Variants in MINDY1 observed in about 807,000 individuals in gnomAD.
MINDY1 encodes the protein MINDY lysine 48 deubiquitinase 1.
MINDY1 carries 50 observed loss-of-function variants against 53.6 expected under a neutral mutation model. That is an observed-to-expected ratio of 0.93 (90% CI 0.74 to 1.18). The LOEUF is 1.18. MINDY1 is among the 50% of genes most tolerant of loss of function. The pLI, the probability that MINDY1 is intolerant of heterozygous loss-of-function variation, is 0.00. For synonymous variants in MINDY1, 231 were observed against 234.7 expected (o/e 0.98, Z 0.14); for missense variants, 484 against 578.6 (o/e 0.84, Z 1.68).
chr1:150,998,752 T>G (rs987093983), intron 7 of MINDY1, among the ~76,000 whole-genome samples: 22 of 151,622 alleles, frequency 1.5e-4, no homozygotes, highest in African/African-American at 5.3e-4. Context: ...CGGTGGTCAT[T>G]CTGGCTAAGC....
Position 151,002,924 on chromosome 1 carries a change from G to A in MINDY1, c.-89-218C>T. ...GAGGTCGTGGGGCTTCCAGACTTGG[G>A]AGGGAAGACTGGTGGGATTGAACAC... On this transcript the variant is annotated intron_variant, in intron 1 of 9. Coordinates refer to ENST00000683666, the MANE Select transcript of MINDY1 (RefSeq NM_001376665.1). The surrounding 1 kb of genome is among the most constrained non-coding windows in gnomAD (Gnocchi z 4.1). 7.4e-7 allele frequency: 1 copy of A among 1,357,942 alleles called. No individual in the cohort carries two copies. The highest frequency in any genetic ancestry group is 9.5e-7 in the Non-Finnish European group (1 of 1,055,682). The allele number at this position is 1,357,942 out of a possible 1,614,324, so 84.1% of individuals were successfully genotyped here.
At chr1:151,000,033 T>A (rs1188088608) in intron 5 of MINDY1, 69 bp from the exon 6 acceptor site, 4 of 1,175,396 alleles carry the variant, frequency 3.4e-6, no homozygotes, top group Non-Finnish European at 5.0e-6. Flanking sequence ...AGGAAGGAAA[T>A]GAACAAAGCT....
downstream of MINDY1, chr1:150,996,717 T>G (rs1671872780): frequency 6.6e-6 from 1 of 151,982 alleles, no homozygotes; most frequent in East Asian, 2.0e-4. Flanking sequence ...TAATTTCTTG[T>G]ATTTTTAGTA....
rs1558058562 is a variant in MINDY1 at position 151,002,614 on chromosome 1, C to T, written c.4G>A (p.Glu2Lys). The T allele has an allele frequency of 6.2e-7, 1 of 1,614,122 alleles. No homozygotes were observed. The change falls in exon 2 of 10, where the codon GAA (glutamate) becomes AAA (lysine). Residue 2 changes from glutamate (E) to lysine (K), a missense_variant. Glu to Lys is a moderately conservative substitution (Grantham distance 56, BLOSUM62 1). Transcript: ENST00000683666. This position sits in a 1 kb window ranked among gnomAD's most constrained non-coding sequence, Gnocchi z 4.1. MEYHQPEDPAPG... is the reference protein window; with the variant it reads MKYHQPEDPAPG... Reference sequence around the variant, plus strand: ...GCTGGATCCTCAGGCTGATGGTATTCCATGGTCAAAAGGGACTTGGCTGAG... The same window carrying T: ...GCTGGATCCTCAGGCTGATGGTATTTCATGGTCAAAAGGGACTTGGCTGAG...
chr1:151,007,851 C>T (rs1673398726), upstream of MINDY1, among the ~76,000 whole-genome samples: 1 of 151,988 alleles, frequency 6.6e-6, no homozygotes, highest in Admixed American at 6.6e-5. Context: ...ACTCTAAAGG[C>T]TGAAAGAGCA....
chr1:151,005,458 AAAAAAAAG>A (rs1295846330), intron 1 of MINDY1, among the ~76,000 whole-genome samples: 1 of 151,170 alleles, frequency 6.6e-6, no homozygotes. Context: ...TGCCTCCAAA[AAAAAAAAG>A]AAAAAAAGAA....
chr1:150,996,959 C>T lies in MINDY1; in HGVS notation c.*328G>A, dbSNP rs1671893760. 2.5e-5 allele frequency: 8 copies of T among 322,942 alleles called. No homozygotes were observed. The highest frequency in any genetic ancestry group is 4.0e-5 in the Non-Finnish European group (7 of 174,118). The allele number at this position is 322,942 out of a possible 1,614,324, so 20.0% of individuals were successfully genotyped here. On this transcript the variant is annotated 3_prime_UTR_variant, in exon 10 of 10. Coordinates refer to ENST00000683666, the MANE Select transcript of MINDY1 (RefSeq NM_001376665.1). The stretch of plus-strand genomic sequence containing the variant: ...TAGGTGATCAGGAGCATCCAGGCAG[C>T]AGGGATGGGAAGCAGAAGAGATGCA...
chr1:151,002,212 G>A lies in MINDY1; in HGVS notation c.406C>T (p.Pro136Ser). ...TTCATGATGGCAAGGAGAGGGCAAG[G>A]GCCGTTAGTGCTCTGGGTGATGATG... is the stretch of plus-strand genomic sequence containing the variant. ...TPIITQSTNG[P>S]CPLLAIMNIL... Residue 136 changes from proline to serine, a missense_variant, in exon 2 of 10, where the codon CCT becomes TCT. Physicochemically the swap from Pro to Ser is moderately conservative, Grantham distance 74 (BLOSUM62 -1). Transcript: ENST00000683666. The surrounding 1 kb of genome is among the most constrained non-coding windows in gnomAD (Gnocchi z 4.1). 6.2e-7 allele frequency: 1 copy of A among 1,614,000 alleles called. No individual in the cohort carries two copies. The highest frequency in any genetic ancestry group is 8.5e-7 in the Non-Finnish European group (1 of 1,179,928).
In MINDY1 at chr1:151,002,690, G is replaced by T. The variant is rs1416942326; in HGVS notation, c.-73C>A. The stretch of plus-strand genomic sequence containing the variant: ...CAGGGACTTGCCTAAGCCAGGCTTG[G>T]GATGCAAAAGAGTGACCTGTCCAAT... On this transcript the variant is annotated 5_prime_UTR_variant, in exon 2 of 10. Transcript: ENST00000683666. This position sits in a 1 kb window ranked among gnomAD's most constrained non-coding sequence, Gnocchi z 4.1. 4 of 1,607,946 alleles carry T rather than the reference G, an allele frequency of 2.5e-6. No individual in the cohort carries two copies. Among genetic ancestry groups the T allele is most frequent in the Non-Finnish European group, 3.4e-6 (4 of 1,176,834 alleles).
At position 150,999,833 on chromosome 1, in the gene MINDY1, A is replaced by C. The variant is rs772617436; in HGVS notation, c.838+29T>G. ...TAAGTAGCTGTCATTCCCTCCACAT[A>C]CTATCCATGAGAAGGGGAGGAATGT... On this transcript the variant is annotated intron_variant, in intron 6 of 9. Coordinates refer to ENST00000683666, the MANE Select transcript of MINDY1 (RefSeq NM_001376665.1). The surrounding 1 kb of genome is among the most constrained non-coding windows in gnomAD (Gnocchi z 4.4). The C allele has an allele frequency of 3.8e-6, 6 of 1,577,596 alleles. No individual in the cohort carries two copies. The highest frequency in any genetic ancestry group is 1.3e-5 in the African/African-American group (1 of 74,190).
In MINDY1 at chr1:150,999,774, G is replaced by T; in HGVS notation, c.838+88C>A. On this transcript the variant is annotated intron_variant, in intron 6 of 9. Coordinates refer to ENST00000683666, the MANE Select transcript of MINDY1 (RefSeq NM_001376665.1). This position sits in a 1 kb window ranked among gnomAD's most constrained non-coding sequence, Gnocchi z 4.4. The stretch of plus-strand genomic sequence containing the variant: ...TTGTGAAGCTTATATCTAGTGGGAT[G>T]TGGTAGGAGATGACACCCAATAAAA... 1.7e-6 allele frequency: 2 copies of T among 1,203,086 alleles called. No homozygotes were observed. The highest frequency in any genetic ancestry group is 1.5e-5 in the African/African-American group (1 of 66,978). The allele number at this position is 1,203,086 out of a possible 1,614,324, so 74.5% of individuals were successfully genotyped here. A position where few individuals can be genotyped will look rare whatever the true frequency, so the allele number is the denominator to read the frequency against.
chr1:150,997,831 T>C, intron 8 of MINDY1, 52 bp from the exon 9 acceptor site: 1 of 1,550,736 alleles, frequency 6.4e-7, no homozygotes, highest in Non-Finnish European at 8.7e-7. Flanking sequence ...CCGTGGCTAT[T>C]CAGGCAAGGT....
rs765794886 is a variant in MINDY1, at chr1:150,998,100, C to A, written c.1155G>T (p.Thr385=). ...GAEGGSGSPE[T]QLQVDQDYLI... is the part of the protein sequence containing the mutation. Reference sequence around the variant, plus strand: ...TACACACCTGGTCTACCTGCAGCTGCGTTTCTGGGGAGCCACTCCCACCTT... The same window carrying A: ...TACACACCTGGTCTACCTGCAGCTGAGTTTCTGGGGAGCCACTCCCACCTT... Residue 385 remains threonine (T), a synonymous_variant, in exon 8 of 10, where the codon ACG becomes ACT. Coordinates refer to ENST00000683666, the MANE Select transcript of MINDY1 (RefSeq NM_001376665.1). 8.1e-6 allele frequency: 13 copies of A among 1,612,276 alleles called. No homozygotes were observed. The highest frequency in any genetic ancestry group is 1.7e-6 in the Non-Finnish European group (2 of 1,179,610).
chr1:151,008,089 G>C (rs771355938), upstream of MINDY1, among the ~76,000 whole-genome samples: 1 of 152,188 alleles, frequency 6.6e-6, no homozygotes, highest in Non-Finnish European at 1.5e-5. Context: ...AGTCAGTTTG[G>C]TAAAGGGCAG....
At position 150,999,823 on chromosome 1, in the gene MINDY1, C is replaced by A. The variant is rs778996085; in HGVS notation, c.838+39G>T. 1 of 1,552,784 alleles carries A rather than the reference C, an allele frequency of 6.4e-7. No homozygotes were observed. Among genetic ancestry groups the A allele is most frequent in the South Asian group, 1.1e-5 (1 of 89,464 alleles). On this transcript the variant is annotated intron_variant, in intron 6 of 9. Coordinates refer to ENST00000683666, the MANE Select transcript of MINDY1 (RefSeq NM_001376665.1). This position sits in a 1 kb window ranked among gnomAD's most constrained non-coding sequence, Gnocchi z 4.4. ...AAAATAAGCCTAAGTAGCTGTCATT[C>A]CCTCCACATACTATCCATGAGAAGG...
rs180865169 is a variant in MINDY1, at chr1:151,003,521, C to T, written c.-89-815G>A. On this transcript the variant is annotated intron_variant, in intron 1 of 9. Transcript: ENST00000683666. ...TCAGATTAGGGGCACAAAAAGCACT[C>T]CCCACAAGTTCTTCCAGTAAGCTTC... Among the ~76,000 whole-genome samples, 20 of 151,914 alleles carry T rather than the reference C, an allele frequency of 1.3e-4. No individual in the cohort carries two copies. The East Asian group carries it at 3.9e-3, about 30-fold the overall frequency.
intron 3 of MINDY1, among the ~76,000 whole-genome samples, 159 bp from the exon 4 acceptor site, chr1:151,001,473 G>A (rs1305282769): frequency 5.3e-5 from 8 of 152,194 alleles, no homozygotes; most frequent in African/African-American, 1.4e-4. Flanking sequence ...CAGAGGAGGC[G>A]ACAGCCTCAT....
downstream of MINDY1, chr1:150,996,549 T>TG (rs1335070726): frequency 1.4e-5 from 2 of 138,130 alleles, no homozygotes; most frequent in African/African-American, 5.4e-5. Context: ...GGAAAGAAGG[T>TG]TTTTTTTTTT....
rs1672750052 is a variant in MINDY1, at chr1:151,002,993, G to C, written c.-89-287C>G. On this transcript the variant is annotated intron_variant, in intron 1 of 9. Coordinates refer to ENST00000683666, the MANE Select transcript of MINDY1 (RefSeq NM_001376665.1). This position sits in a 1 kb window ranked among gnomAD's most constrained non-coding sequence, Gnocchi z 4.1. ...CCTGAAACAGATCATGACAGGGAAG[G>C]GAGGAAAGACAGAGAGAAAGGGAGA... 8.4e-7 allele frequency: 1 copy of C among 1,197,126 alleles called. No homozygotes were observed. The highest frequency in any genetic ancestry group is 4.1e-5 in the East Asian group (1 of 24,110). The allele number at this position is 1,197,126 out of a possible 1,614,324, so 74.2% of individuals were successfully genotyped here.
Sources: gnomAD v4.1 joint callset for allele counts (sites outside exome capture counted in the v4.1 genomes callset) on GRCh38, gnomAD v4.1.1 for gene constraint, Gnocchi (gnomAD v3.1) non-coding constraint, MANE v1.5 for transcripts, NCBI Gene and HGNC (gene_info 2026-07-23, HGNC 2026-07-21) for gene names.